CAMKMT: variants seen among roughly 807,000 people sequenced by gnomAD.
The protein encoded by CAMKMT is calmodulin-lysine N-methyltransferase.
CAMKMT carries 53 observed loss-of-function variants against 48.0 expected under a neutral mutation model. The observed-to-expected ratio is 1.10, with a 90% CI of 0.89 to 1.39. The LOEUF (loss-of-function observed/expected upper bound fraction) is 1.39, where lower values mean the gene tolerates loss of function less well. CAMKMT is among the 40% of genes most tolerant of loss of function. The probability of loss-of-function intolerance (pLI) is 0.00; values close to 1 mark genes in which losing one functional copy is unlikely to be tolerated. For missense variants in CAMKMT, 428 were observed against 402.7 expected (o/e 1.06, Z -0.54); for synonymous variants, 165 against 152.3 (o/e 1.08, Z -0.61).
chr2:44,687,306 T>A (rs193231704), intron 3 of CAMKMT, among the ~76,000 whole-genome samples: 195 of 152,346 alleles, frequency 1.3e-3, no homozygotes, highest in Non-Finnish European at 5.7e-4. Context: ...GCTTACCATA[T>A]TGTTTTACTG....
intron 7 of CAMKMT, among the ~76,000 whole-genome samples, chr2:44,733,192 T>G (rs1679174405): frequency 6.6e-6 from 1 of 152,214 alleles, no homozygotes; most frequent in South Asian, 2.1e-4. Context: ...CCAAATTGCC[T>G]CCATTTACTT....
chr2:44,676,262 T>G (rs1005394131), intron 3 of CAMKMT, among the ~76,000 whole-genome samples: 2 of 152,210 alleles, frequency 1.3e-5, no homozygotes, highest in African/African-American at 4.8e-5. Context: ...TTTTTAATTT[T>G]AATCTCCATC....
intron 3 of CAMKMT, among the ~76,000 whole-genome samples, chr2:44,437,563 A>T (rs1031703615): frequency 7.9e-5 from 12 of 151,626 alleles, no homozygotes; most frequent in African/African-American, 2.4e-4. Context: ...AAAAGTCAGT[A>T]TTGGCTGATC....
At chr2:44,504,509 A>T (rs1050954057) in intron 3 of CAMKMT, among the ~76,000 whole-genome samples, 6 of 152,188 alleles carry the variant, frequency 3.9e-5, no homozygotes, top group Admixed American at 3.3e-4. Flanking sequence ...CATTTAATGG[A>T]TGCCTATGAT....
At position 44,440,435 on chromosome 2, in the gene CAMKMT, G is replaced by C. The variant is rs567344788; in HGVS notation, c.376+50130G>C. On this transcript the variant is annotated intron_variant, in intron 3 of 10. Coordinates refer to ENST00000378494, the MANE Select transcript of CAMKMT (RefSeq NM_024766.5). ...TGTCAATGCTGGCATTTGAAAACCA[G>C]ATCCTACCTCATAGCATGTGCTCTT... is the stretch of plus-strand genomic sequence containing the variant. 3.3e-5 allele frequency among the ~76,000 whole-genome samples: 5 copies of C among 152,232 alleles called. No individual in the cohort carries two copies. The East Asian group carries it at 9.6e-4, about 29-fold the overall frequency.
chr2:44,606,241 T>C (rs1281997121), intron 3 of CAMKMT, among the ~76,000 whole-genome samples: 1 of 152,214 alleles, frequency 6.6e-6, no homozygotes, highest in African/African-American at 2.4e-5. Flanking sequence ...GTATCTGAAA[T>C]ACCTATTTTG....
intron 3 of CAMKMT, among the ~76,000 whole-genome samples, chr2:44,684,544 T>G (rs904567249): frequency 6.0e-5 from 9 of 151,170 alleles, no homozygotes; most frequent in African/African-American, 2.2e-4. Flanking sequence ...ACTTAAAGCG[T>G]CCATTCTAGG....
In CAMKMT at chr2:44,450,219, A is replaced by C. The variant is rs117368226; in HGVS notation, c.376+59914A>C. Among the ~76,000 whole-genome samples, 15 of 152,224 alleles carry C rather than the reference A, an allele frequency of 9.9e-5. No homozygotes were observed. In the East Asian group the frequency reaches 2.9e-3, roughly 29 times the overall value. ...GGCTCAGTGAATAATGCTGACTTAC[A>C]CTGCGTCTCACTGATAGCTGATCTT... On this transcript the variant is annotated intron_variant, in intron 3 of 10. Transcript: ENST00000378494.
chr2:44,514,169 C>T (rs1670719035), intron 3 of CAMKMT, among the ~76,000 whole-genome samples: 1 of 151,446 alleles, frequency 6.6e-6, no homozygotes, highest in East Asian at 1.9e-4. Flanking sequence ...TATATAGAAG[C>T]CAGCAGGAAA....
chr2:44,493,009 T>G (rs964038327), intron 3 of CAMKMT, among the ~76,000 whole-genome samples: 2 of 151,802 alleles, frequency 1.3e-5, no homozygotes, highest in African/African-American at 4.8e-5. Context: ...TTCTCCTGCC[T>G]CAGCCTCCTG....
At chr2:44,748,547 T>C (rs1045695351) in intron 8 of CAMKMT, among the ~76,000 whole-genome samples, 6 of 152,160 alleles carry the variant, frequency 3.9e-5, no homozygotes, top group African/African-American at 1.4e-4. Context: ...CATAATCTTC[T>C]TTTAAAAATC....
chr2:44,756,381 G>A (rs894325203), intron 9 of CAMKMT, among the ~76,000 whole-genome samples: 4 of 152,284 alleles, frequency 2.6e-5, no homozygotes, highest in South Asian at 4.1e-4. Context: ...GCTGGTTTTA[G>A]TGTCCTCTTG....
chr2:44,652,649 A>C (rs1427877437), intron 3 of CAMKMT, among the ~76,000 whole-genome samples: 2 of 152,256 alleles, frequency 1.3e-5, no homozygotes, highest in African/African-American at 4.8e-5. Flanking sequence ...ACGTGCGTAC[A>C]GACACACACT....
chr2:44,623,806 T>TA (rs1672329262), intron 3 of CAMKMT, among the ~76,000 whole-genome samples: 2 of 152,210 alleles, frequency 1.3e-5, no homozygotes, highest in Non-Finnish European at 2.9e-5. Context: ...GGCAATCCCC[T>TA]ACTCCACCAC....
intron 3 of CAMKMT, among the ~76,000 whole-genome samples, chr2:44,537,268 A>G (rs927758726): frequency 2.6e-5 from 4 of 152,256 alleles, no homozygotes; most frequent in African/African-American, 9.6e-5. Context: ...TATTTATCTG[A>G]CAAGGGACTA....
intron 6 of CAMKMT, among the ~76,000 whole-genome samples, chr2:44,707,700 A>G (rs1246574144): frequency 6.6e-6 from 1 of 151,824 alleles, no homozygotes; most frequent in East Asian, 1.9e-4. Context: ...ATTTTTGTGG[A>G]CCTCCCGAGG....
chr2:44,546,202 C>CACACACACACACACACACACAT (rs1205658214), intron 3 of CAMKMT, among the ~76,000 whole-genome samples: 2 of 139,014 alleles, frequency 1.4e-5, no homozygotes, highest in Admixed American at 7.8e-5. Context: ...CACACACACA[C>CACACACACACACACACACACAT]ATACATGCAC....
intron 2 of CAMKMT, among the ~76,000 whole-genome samples, chr2:44,376,878 TGTC>T (rs1679751056): frequency 6.6e-6 from 1 of 152,196 alleles, no homozygotes; most frequent in African/African-American, 2.4e-5. Context: ...CAAGGTTTGT[TGTC>T]GTCTTTGTCT....
chr2:44,403,893 A>G (rs1244433809), intron 3 of CAMKMT, among the ~76,000 whole-genome samples: 3 of 152,282 alleles, frequency 2.0e-5, no homozygotes, highest in East Asian at 3.9e-4. Flanking sequence ...AATTTTAGAA[A>G]TTCTTTCTTC....
Sources: allele counts gnomAD v4.1 joint callset (sites outside exome capture counted in the v4.1 genomes callset), GRCh38; gene constraint gnomAD v4.1.1; transcripts MANE v1.5; gene names NCBI Gene and HGNC (gene_info 2026-07-23, HGNC 2026-07-21).